EFCAB8: variants seen among roughly 807,000 people sequenced by gnomAD.
EFCAB8 encodes EF-hand calcium binding domain 8.
EFCAB8 carries 100 observed loss-of-function variants against 116.3 expected under a neutral mutation model. The ratio of observed to expected loss-of-function variants is 0.86; its 90% CI spans 0.73 to 1.02. The LOEUF is 1.02. Among genes scored for constraint, EFCAB8 ranks in the 50% least tolerant of loss-of-function variants. The pLI, the probability that EFCAB8 is intolerant of heterozygous loss-of-function variation, is 0.00. For missense variants in EFCAB8, 1,320 were observed against 1,416.9 expected, an observed-to-expected ratio of 0.93 and a Z score of 1.10; for synonymous variants, 558 against 567.9, an observed-to-expected ratio of 0.98 and a Z score of 0.25.
chr20:32,917,550 G>A, intron 18 of EFCAB8, 45 bp downstream of exon 18: 5 of 1,169,030 alleles, frequency 4.3e-6, no homozygotes, highest in South Asian at 2.6e-5. Context: ...TCTCTCAGCT[G>A]TGAACCAGAA....
At chr20:32,877,453 C>G (rs1985037226) in intron 4 of EFCAB8, among the ~76,000 whole-genome samples, 1 of 152,170 alleles carries the variant, frequency 6.6e-6, no homozygotes, top group African/African-American at 2.4e-5. Flanking sequence ...AGGTAATCCA[C>G]CTGCCTCAGC....
intron 3 of EFCAB8, among the ~76,000 whole-genome samples, chr20:32,874,272 C>T (rs535867139): frequency 5.1e-4 from 78 of 152,164 alleles, no homozygotes; most frequent in African/African-American, 1.7e-3. Context: ...ACCTAGGCTA[C>T]AGTACAGTGG....
chr20:32,860,391 G>C (rs1243153336), intron 1 of EFCAB8, among the ~76,000 whole-genome samples: 1 of 149,186 alleles, frequency 6.7e-6, no homozygotes, highest in Non-Finnish European at 1.5e-5. Context: ...TTCAGATCAT[G>C]TATTTTTTTG....
chr20:32,881,491 C>T (rs1423665899), intron 5 of EFCAB8, among the ~76,000 whole-genome samples: 1 of 152,244 alleles, frequency 6.6e-6, no homozygotes, highest in Non-Finnish European at 1.5e-5. Flanking sequence ...GCCACCGCAT[C>T]CAGCCAGTCA....
chr20:32,959,277 C>A (rs1316809079), intron 24 of EFCAB8, among the ~76,000 whole-genome samples: 1 of 152,200 alleles, frequency 6.6e-6, no homozygotes, highest in Non-Finnish European at 1.5e-5. Context: ...AGAGGACAAT[C>A]TACATGATTG....
chr20:32,944,564 T>G (rs754001869), intron 23 of EFCAB8, among the ~76,000 whole-genome samples: 1 of 152,252 alleles, frequency 6.6e-6, no homozygotes, highest in Non-Finnish European at 1.5e-5. Flanking sequence ...CAGAAAGCTT[T>G]GTATTTTCAT....
intron 11 of EFCAB8, among the ~76,000 whole-genome samples, chr20:32,902,189 A>G (rs966601592): frequency 3.3e-5 from 5 of 152,090 alleles, no homozygotes; most frequent in African/African-American, 1.2e-4. Flanking sequence ...TTGAGCAGAG[A>G]ACTGGTGTGG....
intron 14 of EFCAB8, among the ~76,000 whole-genome samples, chr20:32,908,971 G>A (rs975641112): frequency 6.6e-6 from 1 of 152,186 alleles, no homozygotes; most frequent in Non-Finnish European, 1.5e-5. Flanking sequence ...GGACAAGCAC[G>A]AGGGGCTTCC....
At chr20:32,909,008 A>G (rs982739945) in intron 14 of EFCAB8, among the ~76,000 whole-genome samples, 1 of 152,170 alleles carries the variant, frequency 6.6e-6, no homozygotes, top group African/African-American at 2.4e-5. Context: ...AAGGGGGCCC[A>G]CAAGAAGGTG....
At chr20:32,958,919 C>T (rs1341324144) in intron 24 of EFCAB8, among the ~76,000 whole-genome samples, 1 of 152,216 alleles carries the variant, frequency 6.6e-6, no homozygotes, top group East Asian at 1.9e-4. Context: ...TGCTCAGGCC[C>T]AGGCCCAAGT....
chr20:32,944,274 T>C (rs1294808454), intron 23 of EFCAB8, among the ~76,000 whole-genome samples: 3 of 152,028 alleles, frequency 2.0e-5, no homozygotes, highest in African/African-American at 7.2e-5. Context: ...TATGTGTTTG[T>C]TTGTTTGTTT....
intron 10 of EFCAB8, among the ~76,000 whole-genome samples, chr20:32,897,027 GGCTCCTCT>G (rs1255548282): frequency 6.6e-6 from 1 of 152,138 alleles, no homozygotes; most frequent in Non-Finnish European, 1.5e-5. Context: ...CAGAGACGCA[GGCTCCTCT>G]GCTGTTCCCT....
rs1047489748 is a variant in EFCAB8, at chr20:32,918,702, C to G, written c.2274+128C>G. On this transcript the variant is annotated intron_variant, in intron 19 of 26. Coordinates refer to ENST00000400522, the MANE Select transcript of EFCAB8 (RefSeq NM_001143967.2). ...AAGTGCCTTTAGGTCCCTCAACTCA[C>G]TTGTTTTGAGCATTGTGGGCCTGGG... 2.1e-5 allele frequency: 19 copies of G among 912,328 alleles called. No homozygotes were observed. The East Asian group carries it at 4.0e-4, about 19-fold the overall frequency. 56.5% of individuals were successfully genotyped at this position (912,328 alleles called of 1,614,324 possible).
At chr20:32,894,109 A>G (rs1986049135) in intron 9 of EFCAB8, among the ~76,000 whole-genome samples, 1 of 152,144 alleles carries the variant, frequency 6.6e-6, no homozygotes, top group Non-Finnish European at 1.5e-5. Context: ...ACTCATCTGA[A>G]CTGGAGCCTG....
At chr20:32,893,642 C>A (rs1986024371) in intron 9 of EFCAB8, among the ~76,000 whole-genome samples, 1 of 152,114 alleles carries the variant, frequency 6.6e-6, no homozygotes, top group African/African-American at 2.4e-5. Flanking sequence ...GGTGAGAGCA[C>A]TGATGCTAAC....
At chr20:32,954,485 A>T (rs751191213) in intron 23 of EFCAB8, among the ~76,000 whole-genome samples, 1 of 152,094 alleles carries the variant, frequency 6.6e-6, no homozygotes, top group African/African-American at 2.4e-5. Context: ...CCATTGGTTT[A>T]TATGTCTGTT....
intron 6 of EFCAB8, among the ~76,000 whole-genome samples, chr20:32,886,745 G>C (rs1985651652): frequency 6.6e-6 from 1 of 152,166 alleles, no homozygotes; most frequent in Non-Finnish European, 1.5e-5. Flanking sequence ...AAGGCTGAAG[G>C]GGACAGAGGA....
chr20:32,904,862 G>T (rs535673500), intron 11 of EFCAB8, among the ~76,000 whole-genome samples: 2 of 152,178 alleles, frequency 1.3e-5, no homozygotes, highest in South Asian at 4.1e-4. Context: ...CCTGACCTCA[G>T]GTGATCCGGC....
intron 20 of EFCAB8, among the ~76,000 whole-genome samples, chr20:32,923,599 T>G (rs563458774): frequency 6.6e-6 from 1 of 152,316 alleles, no homozygotes; most frequent in South Asian, 2.1e-4. Context: ...CGTTAAGACA[T>G]GTGTTGTAGC....
Sources: gnomAD v4.1 joint callset for allele counts (sites outside exome capture counted in the v4.1 genomes callset) on GRCh38, gnomAD v4.1.1 for gene constraint, MANE v1.5 for transcripts, NCBI Gene and HGNC (gene_info 2026-07-23, HGNC 2026-07-21) for gene names.